Variants in MAGI1 observed in about 807,000 individuals in gnomAD.
The protein encoded by MAGI1 is membrane associated guanylate kinase, WW and PDZ domain containing 1, also known as membrane-associated guanylate kinase, WW and PDZ domain-containing protein 1.
In MAGI1, 58 loss-of-function variants were observed where a neutral mutation model predicts 139.9. The ratio of observed to expected loss-of-function variants is 0.41; its 90% CI spans 0.34 to 0.52. The LOEUF is 0.52. Among genes scored for constraint, MAGI1 ranks in the 20% least tolerant of loss-of-function variants. The pLI is 0.12. For missense variants in MAGI1, 1,874 were observed against 1,901.6 expected (o/e 0.99, Z 0.27); for synonymous variants, 812 against 737.9 (o/e 1.10, Z -1.63).
chr3:66,007,325 T>C (rs888656698), intron 1 of MAGI1, among the ~76,000 whole-genome samples: 1 of 152,244 alleles, frequency 6.6e-6, no homozygotes, highest in Admixed American at 6.5e-5. Context: ...AATGACACAC[T>C]GTCTCTTTTC....
At chr3:65,510,539 G>A (rs1284511180) in intron 2 of MAGI1, among the ~76,000 whole-genome samples, 2 of 148,920 alleles carry the variant, frequency 1.3e-5, no homozygotes, top group East Asian at 3.9e-4. Flanking sequence ...CGATCAACTG[G>A]AAGAAAGGGT....
intron 1 of MAGI1, among the ~76,000 whole-genome samples, chr3:65,963,308 T>C (rs2064551266): frequency 2.8e-5 from 1 of 36,234 alleles, no homozygotes; most frequent in Non-Finnish European, 5.2e-5. Flanking sequence ...CGAGACTCTG[T>C]CTCTTAAAAA....
chr3:65,533,432 G>A (rs2078809640), intron 2 of MAGI1, among the ~76,000 whole-genome samples: 1 of 152,130 alleles, frequency 6.6e-6, no homozygotes, highest in Non-Finnish European at 1.5e-5. Flanking sequence ...AACTCAGACT[G>A]TACCCGTAAT....
At chr3:65,853,375 T>C (rs940087899) in intron 1 of MAGI1, among the ~76,000 whole-genome samples, 8 of 152,244 alleles carry the variant, frequency 5.3e-5, no homozygotes, top group Non-Finnish European at 1.0e-4. Flanking sequence ...AATGCATTGA[T>C]AGGTAAATTC....
chr3:66,016,726 T>C (rs1460013198), intron 1 of MAGI1, among the ~76,000 whole-genome samples: 1 of 151,894 alleles, frequency 6.6e-6, no homozygotes, highest in Non-Finnish European at 1.5e-5. Flanking sequence ...AAAAGTCAAA[T>C]AGGACAAGGT....
chr3:66,025,913 T>C (rs1183288329), intron 1 of MAGI1, among the ~76,000 whole-genome samples: 1 of 152,206 alleles, frequency 6.6e-6, no homozygotes, highest in Non-Finnish European at 1.5e-5. Flanking sequence ...TAGATAGTGA[T>C]TGATAGTCAT....
At chr3:65,998,481 A>G (rs530463134) in intron 1 of MAGI1, among the ~76,000 whole-genome samples, 1 of 152,342 alleles carries the variant, frequency 6.6e-6, no homozygotes, top group African/African-American at 2.4e-5. Context: ...GCAAAAACCC[A>G]TTAATTGTGA....
intron 1 of MAGI1, among the ~76,000 whole-genome samples, chr3:65,833,427 C>T (rs921911103): frequency 4.6e-5 from 7 of 152,086 alleles, no homozygotes; most frequent in African/African-American, 1.7e-4. Flanking sequence ...CCTAGGTCTA[C>T]TGAACTTCTA....
chr3:65,663,105 G>C (rs771006123), intron 1 of MAGI1, among the ~76,000 whole-genome samples: 2 of 152,106 alleles, frequency 1.3e-5, no homozygotes, highest in African/African-American at 4.8e-5. Context: ...CTTGAAAAGG[G>C]AACTAAAGGG....
At chr3:65,529,240 A>G (rs2078524223) in intron 2 of MAGI1, among the ~76,000 whole-genome samples, 1 of 152,128 alleles carries the variant, frequency 6.6e-6, no homozygotes, top group Admixed American at 6.6e-5. Context: ...TCATCATTTG[A>G]GCAATTTTAA....
At chr3:65,580,884 T>C (rs1452458945) in intron 2 of MAGI1, among the ~76,000 whole-genome samples, 1 of 152,156 alleles carries the variant, frequency 6.6e-6, no homozygotes, top group Non-Finnish European at 1.5e-5. Context: ...GCATATCTAA[T>C]AGATATTTAG....
intron 2 of MAGI1, among the ~76,000 whole-genome samples, chr3:65,590,723 A>G (rs1437801430): frequency 2.6e-5 from 4 of 152,140 alleles, no homozygotes; most frequent in Non-Finnish European, 4.4e-5. Flanking sequence ...CTACATCACT[A>G]CTGTGCCCAG....
chr3:65,370,309 A>G (rs1297076758), intron 18 of MAGI1, among the ~76,000 whole-genome samples: 1 of 152,180 alleles, frequency 6.6e-6, no homozygotes, highest in Non-Finnish European at 1.5e-5. Flanking sequence ...CCTCTGCCAG[A>G]CTTGATTCCC....
intron 1 of MAGI1, among the ~76,000 whole-genome samples, chr3:65,937,797 A>G (rs112377427): frequency 4.5e-4 from 69 of 152,218 alleles, no homozygotes; most frequent in African/African-American, 1.6e-3. Context: ...ATGAAACTAC[A>G]CCAAAATTAA....
chr3:65,365,320 A>C, intron 18 of MAGI1: 1 of 408,634 alleles, frequency 2.4e-6, no homozygotes, highest in Non-Finnish European at 4.7e-6. Context: ...AGAACTTTAA[A>C]GTCTGATAAT....
intron 1 of MAGI1, among the ~76,000 whole-genome samples, chr3:65,872,137 T>C (rs1209962948): frequency 1.3e-5 from 2 of 152,212 alleles, no homozygotes; most frequent in Non-Finnish European, 2.9e-5. Flanking sequence ...AAAGATCAAA[T>C]TAAATAATTA....
chr3:65,844,810 G>A (rs2058929534), intron 1 of MAGI1, among the ~76,000 whole-genome samples: 1 of 152,122 alleles, frequency 6.6e-6, no homozygotes, highest in Admixed American at 6.5e-5. Context: ...AAATGATACA[G>A]ACTATTACCT....
chr3:65,935,323 G>C (rs569434674), intron 1 of MAGI1, among the ~76,000 whole-genome samples: 5 of 152,286 alleles, frequency 3.3e-5, no homozygotes, highest in African/African-American at 4.8e-5. Context: ...AAGAAGAATG[G>C]TTTTGTAGAT....
intron 1 of MAGI1, among the ~76,000 whole-genome samples, chr3:65,822,684 T>C (rs1456375367): frequency 1.3e-5 from 2 of 152,162 alleles, no homozygotes; most frequent in Non-Finnish European, 2.9e-5. Flanking sequence ...TCAGGAAGTT[T>C]ACAATCATGG....
Sources: allele counts gnomAD v4.1 joint callset (sites outside exome capture counted in the v4.1 genomes callset), GRCh38; gene constraint gnomAD v4.1.1; transcripts MANE v1.5; gene names NCBI Gene and HGNC (gene_info 2026-07-23, HGNC 2026-07-21).